The following CTNS variants were observed in gnomAD, a reference collection of about 807,000 sequenced individuals.
CTNS encodes cystinosin, lysosomal cystine transporter.
In CTNS, 27 loss-of-function variants were observed where a neutral mutation model predicts 43.7. That is an observed-to-expected ratio of 0.62 (90% CI 0.46 to 0.85). The LOEUF is 0.85. CTNS is among the 40% of genes least tolerant of loss of function. The pLI is 0.00. For missense variants in CTNS, 457 were observed against 475.4 expected (o/e 0.96, Z 0.36); for synonymous variants, 187 against 190.6 (o/e 0.98, Z 0.16).
intron 3 of CTNS, among the ~76,000 whole-genome samples, chr17:3,641,484 C>T (rs561891820): frequency 6.8e-6 from 1 of 146,116 alleles, no homozygotes; most frequent in South Asian, 2.2e-4. Flanking sequence ...CTCCACCTCC[C>T]GGGTTCAAGC....
rs751960474 is a variant in CTNS at position 3,660,217 on chromosome 17, G to T, written c.971-19G>T. The T allele has an allele frequency of 1.9e-6, 3 of 1,614,054 alleles. No homozygotes were observed. Among genetic ancestry groups the T allele is most frequent in the Non-Finnish European group, 2.5e-6 (3 of 1,180,044 alleles). On this transcript the variant is annotated intron_variant, in intron 11 of 11. Transcript: ENST00000046640. ...AGCTGCCAACCTAACACCAGCTTCT[G>T]TCCCCCGGCTGCTAACAGACCAGTG...
intron 9 of CTNS, among the ~76,000 whole-genome samples, chr17:3,657,460 G>C (rs1031217458): frequency 2.6e-5 from 4 of 152,212 alleles, no homozygotes; most frequent in African/African-American, 9.6e-5. Context: ...AGGCCAGCTG[G>C]GGGCTGTCTG....
chr17:3,655,531 C>T (rs374715753), intron 7 of CTNS, 179 bp downstream of exon 7: 8 of 837,172 alleles, frequency 9.6e-6, no homozygotes, highest in African/African-American at 3.4e-5. Flanking sequence ...CCGTGCTGGG[C>T]GTTTCATCCC....
intron 3 of CTNS, among the ~76,000 whole-genome samples, chr17:3,643,487 G>C (rs1051068458): frequency 7.9e-5 from 12 of 152,044 alleles, no homozygotes; most frequent in Non-Finnish European, 1.6e-4. Flanking sequence ...CCAACACTTT[G>C]GGAGGCCAAA....
chr17:3,640,359 A>C, intron 3 of CTNS, 92 bp downstream of exon 3: 2 of 1,334,786 alleles, frequency 1.5e-6, no homozygotes, highest in Non-Finnish European at 2.2e-6. Flanking sequence ...AAGGGTTTAG[A>C]ATCATTCAGA....
Position 3,638,524 on chromosome 17 carries a change from C to T in CTNS, c.-20+1208C>T, listed in dbSNP as rs149937027. Among the ~76,000 whole-genome samples the T allele has an allele frequency of 4.0e-3, 613 of 152,280 alleles. 5 individuals are homozygous for T. Among genetic ancestry groups the T allele is most frequent in the Non-Finnish European group, 6.9e-3 (468 of 68,020 alleles). On this transcript the variant is annotated intron_variant, in intron 2 of 11. Transcript: ENST00000046640. ...AAGTGCTGGAATTACACACACGAGC[C>T]ACTGCGCTCAGCCTAATCTGATGTT...
In CTNS at chr17:3,643,005, G is replaced by A. The variant is rs551062687; in HGVS notation, c.61+2738G>A. 3.3e-5 allele frequency among the ~76,000 whole-genome samples: 5 copies of A among 152,182 alleles called. No individual in the cohort carries two copies. In the South Asian group the frequency reaches 1.0e-3, roughly 32 times the overall value. On this transcript the variant is annotated intron_variant, in intron 3 of 11. Coordinates refer to ENST00000046640, the MANE Select transcript of CTNS (RefSeq NM_004937.3). Reference sequence around the variant, plus strand: ...CTTAGAATGCTCAGTTTCCTGAAATGTAAAATAGGAATAATAATGCCTACC... The same window carrying A: ...CTTAGAATGCTCAGTTTCCTGAAATATAAAATAGGAATAATAATGCCTACC...
chr17:3,642,162 T>C (rs757342549), intron 3 of CTNS, among the ~76,000 whole-genome samples: 14 of 140,346 alleles, frequency 1.0e-4, no homozygotes, highest in Non-Finnish European at 2.1e-4. Flanking sequence ...TGTGTGTGTG[T>C]GTGCCCAGTC....
At chr17:3,651,337 C>T (rs182122330) in intron 5 of CTNS, among the ~76,000 whole-genome samples, 1,964 of 152,250 alleles carry the variant, frequency 0.013, 24 homozygotes, top group South Asian at 0.026. Context: ...TCAGGCGATC[C>T]GCCCACCTCG....
chr17:3,656,862 C>T (rs2076162178), intron 9 of CTNS, 67 bp downstream of exon 9: 4 of 1,606,640 alleles, frequency 2.5e-6, no homozygotes, highest in Non-Finnish European at 8.5e-7. Context: ...TCACCTTTGA[C>T]AGAAGACACG....
chr17:3,656,722 G>A lies in CTNS; in HGVS notation c.608G>A (p.Ser203Asn). 6.2e-7 allele frequency: 1 copy of A among 1,613,508 alleles called. No individual in the cohort carries two copies. The highest frequency in any genetic ancestry group is 8.5e-7 in the Non-Finnish European group (1 of 1,179,958). Residue 203 changes from serine to asparagine, a missense_variant, in exon 9 of 12, where the codon AGC becomes AAC. Ser to Asn is a conservative substitution (Grantham distance 46). Transcript: ENST00000046640. Reference protein sequence around the residue: ...KYPNGVNPVNSNDVFFSLHAV... With the variant: ...KYPNGVNPVNNNDVFFSLHAV... Reference sequence around the variant, plus strand: ...CCCAACGGAGTGAACCCCGTGAACAGCAACGACGTCTTCTTCAGCCTGCAC... The same window carrying A: ...CCCAACGGAGTGAACCCCGTGAACAACAACGACGTCTTCTTCAGCCTGCAC...
chr17:3,655,544 G>A (rs1271278648), intron 7 of CTNS, 192 bp downstream of exon 7: 5 of 684,102 alleles, frequency 7.3e-6, no homozygotes, highest in Non-Finnish European at 9.6e-6. Context: ...TTCATCCCTT[G>A]CCCAGCTCAG....
At chr17:3,644,017 G>C (rs1196183445) in intron 3 of CTNS, among the ~76,000 whole-genome samples, 1 of 152,168 alleles carries the variant, frequency 6.6e-6, no homozygotes, top group Admixed American at 6.6e-5. Flanking sequence ...AGGAACTCAG[G>C]ATGGTGTTGT....
At position 3,660,907 on chromosome 17, in the gene CTNS, ACATAACTC is replaced by A; in HGVS notation, c.*539_*546del. On this transcript the variant is annotated 3_prime_UTR_variant, in exon 12 of 12. Transcript: ENST00000046640. Reference sequence around the variant, plus strand: ...GCCACTTTCCTGACGTACTCTCTGTACATAACTCAGCGTCCGTGACTGCAGTAACAGCC... The same window carrying A: ...GCCACTTTCCTGACGTACTCTCTGTAAGCGTCCGTGACTGCAGTAACAGCC... 2 of 979,810 alleles carry A rather than the reference ACATAACTC, an allele frequency of 2.0e-6. No homozygotes were observed. The highest frequency in any genetic ancestry group is 4.2e-5 in the Admixed American group (2 of 47,832). 60.7% of individuals were successfully genotyped at this position (979,810 alleles called of 1,614,324 possible). A position where few individuals can be genotyped will look rare whatever the true frequency, so the allele number is the denominator to read the frequency against.
intron 11 of CTNS, 102 bp from the exon 12 acceptor site, chr17:3,660,134 T>G: frequency 6.4e-7 from 1 of 1,551,916 alleles, no homozygotes; most frequent in Admixed American, 1.7e-5. Flanking sequence ...AGCTGGAGGC[T>G]TTGTGGTTTT....
At chr17:3,651,156 G>A (rs1269451221) in intron 5 of CTNS, among the ~76,000 whole-genome samples, 1 of 151,766 alleles carries the variant, frequency 6.6e-6, no homozygotes, top group Admixed American at 6.6e-5. Flanking sequence ...GTGCAATGGC[G>A]CAATCTCAGC....
chr17:3,648,819 G>A (rs779637341), intron 4 of CTNS, 28 bp from the exon 5 acceptor site: 1 of 1,562,590 alleles, frequency 6.4e-7, no homozygotes, highest in South Asian at 1.1e-5. Context: ...CAGCTTCTCA[G>A]CAGTAATTAG....
Position 3,660,301 on chromosome 17 carries a change from G to T in CTNS, c.1036G>T (p.Asp346Tyr). The T allele has an allele frequency of 6.2e-7, 1 of 1,614,228 alleles. No individual in the cohort carries two copies. The highest frequency in any genetic ancestry group is 8.5e-7 in the Non-Finnish European group (1 of 1,180,036). ...FGLGVFSIVF[D>Y]VVFFIQHFCL... ...ACTCGGGGTCTTCTCCATCGTCTTC[G>T]ACGTCGTCTTCTTCATCCAGCACTT... The change falls in exon 12 of 12, where the codon GAC becomes TAC. Residue 346 changes from aspartate (D) to tyrosine (Y), a missense_variant. Transcript: ENST00000046640.
At chr17:3,660,188 C>CT in intron 11 of CTNS, 48 bp from the exon 12 acceptor site, 1 of 1,613,242 alleles carries the variant, frequency 6.2e-7, no homozygotes, top group Non-Finnish European at 8.5e-7. Context: ...CCAGCTGCCT[C>CT]AGGAGCTGCC....
Sources: gnomAD v4.1 joint callset for allele counts (sites outside exome capture counted in the v4.1 genomes callset) on GRCh38, gnomAD v4.1.1 for gene constraint, MANE v1.5 for transcripts, NCBI Gene and HGNC (gene_info 2026-07-23, HGNC 2026-07-21) for gene names.